DDAH1: variants seen among roughly 807,000 people sequenced by gnomAD.
DDAH1 encodes dimethylarginine dimethylaminohydrolase 1, also known as N(G),N(G)-dimethylarginine dimethylaminohydrolase 1.
Under a neutral mutation model 28.8 loss-of-function variants are expected in DDAH1, and 19 were observed. The ratio of observed to expected loss-of-function variants is 0.66; its 90% CI spans 0.46 to 0.97. The LOEUF is 0.97. Ranked by LOEUF, DDAH1 falls within the 50% of genes least tolerant of loss-of-function variation. The pLI is 0.00. For synonymous variants in DDAH1, 153 were observed against 154.4 expected, an observed-to-expected ratio of 0.99 and a Z score of 0.07; for missense variants, 326 against 375.9, an observed-to-expected ratio of 0.87 and a Z score of 1.10.
At chr1:85,449,136 C>G (rs1654558378) in intron 1 of DDAH1, among the ~76,000 whole-genome samples, 1 of 152,180 alleles carries the variant, frequency 6.6e-6, no homozygotes, top group African/African-American at 2.4e-5. Flanking sequence ...ATGGTTCCGA[C>G]TCTGGGCAAA....
chr1:85,359,077 T>C (rs1257074717), intron 1 of DDAH1, among the ~76,000 whole-genome samples: 1 of 152,184 alleles, frequency 6.6e-6, no homozygotes, highest in Non-Finnish European at 1.5e-5. Flanking sequence ...TAGTGTAAGA[T>C]TGAGTCAATA....
At chr1:85,341,365 A>G (rs1298529141) in intron 4 of DDAH1, among the ~76,000 whole-genome samples, 1 of 152,220 alleles carries the variant, frequency 6.6e-6, no homozygotes, top group Non-Finnish European at 1.5e-5. Context: ...TTCCTATCAG[A>G]GTTTTATGTA....
chr1:85,550,081 A>T (rs1181297495), intron 1 of DDAH1, among the ~76,000 whole-genome samples: 2 of 152,190 alleles, frequency 1.3e-5, no homozygotes, highest in Admixed American at 1.3e-4. Flanking sequence ...TTCCTGGGAA[A>T]TTGCAAGTCA....
At chr1:85,526,847 A>G (rs1184070734) in intron 1 of DDAH1, among the ~76,000 whole-genome samples, 1 of 148,238 alleles carries the variant, frequency 6.7e-6, no homozygotes, top group African/African-American at 2.5e-5. Flanking sequence ...GAGAATTTCA[A>G]ATGAAGTGTA....
intron 1 of DDAH1, among the ~76,000 whole-genome samples, chr1:85,421,280 A>G (rs1653130295): frequency 6.6e-6 from 1 of 152,202 alleles, no homozygotes; most frequent in African/African-American, 2.4e-5. Flanking sequence ...AGAATACTGT[A>G]CATTCTTTTT....
At chr1:85,513,663 A>C (rs556375535) in intron 1 of DDAH1, among the ~76,000 whole-genome samples, 27 of 152,194 alleles carry the variant, frequency 1.8e-4, no homozygotes, top group African/African-American at 2.4e-4. Flanking sequence ...AAGAAAAAAA[A>C]CAAACAACCC....
chr1:85,546,170 T>C (rs1658620520), intron 1 of DDAH1, among the ~76,000 whole-genome samples: 1 of 151,728 alleles, frequency 6.6e-6, no homozygotes, highest in African/African-American at 2.4e-5. Context: ...TAATTGCCAT[T>C]GCAGAAGTAT....
At chr1:85,461,057 T>G (rs1054554921) in intron 1 of DDAH1, among the ~76,000 whole-genome samples, 1 of 152,144 alleles carries the variant, frequency 6.6e-6, no homozygotes, top group African/African-American at 2.4e-5. Flanking sequence ...AAGGCTGCAG[T>G]GAGCTATGAT....
At chr1:85,492,649 T>A (rs551204634) in intron 2 of DDAH1, among the ~76,000 whole-genome samples, 2 of 152,320 alleles carry the variant, frequency 1.3e-5, no homozygotes, top group East Asian at 3.9e-4. Flanking sequence ...CAGATCTGAA[T>A]GGCAATATCA....
At chr1:85,434,623 C>G (rs182513737) in intron 1 of DDAH1, among the ~76,000 whole-genome samples, 1 of 152,134 alleles carries the variant, frequency 6.6e-6, no homozygotes, top group East Asian at 1.9e-4. Context: ...AACTCCTGAC[C>G]TCAAGTAATC....
chr1:85,498,756 C>CA (rs539781550), intron 1 of DDAH1, among the ~76,000 whole-genome samples: 126 of 151,284 alleles, frequency 8.3e-4, no homozygotes, highest in Middle Eastern at 3.4e-3. Flanking sequence ...CTGTCTCTAC[C>CA]AAAAAAAATA....
chr1:85,429,417 C>G (rs966354126), intron 1 of DDAH1, among the ~76,000 whole-genome samples: 2 of 152,126 alleles, frequency 1.3e-5, no homozygotes, highest in South Asian at 2.1e-4. Flanking sequence ...GTCTATCATT[C>G]ATGGGCATTT....
chr1:85,479,506 T>C (rs559151848), intron 2 of DDAH1, among the ~76,000 whole-genome samples: 1 of 152,272 alleles, frequency 6.6e-6, no homozygotes, highest in South Asian at 2.1e-4. Context: ...CAGAAGGAAA[T>C]TAAATGCTTA....
intron 1 of DDAH1, among the ~76,000 whole-genome samples, chr1:85,417,463 G>C (rs1313378252): frequency 1.3e-5 from 2 of 152,148 alleles, no homozygotes; most frequent in Admixed American, 1.3e-4. Context: ...TCTAAATGTT[G>C]ACAGGTCCCT....
chr1:85,408,364 G>A (rs576109856), intron 1 of DDAH1, among the ~76,000 whole-genome samples: 78 of 151,648 alleles, frequency 5.1e-4, no homozygotes, highest in South Asian at 1.5e-3. Flanking sequence ...CCACCCCAGA[G>A]GTAACCATGT....
At chr1:85,402,355 G>T (rs1265923670) in intron 1 of DDAH1, among the ~76,000 whole-genome samples, 3 of 151,868 alleles carry the variant, frequency 2.0e-5, no homozygotes, top group African/African-American at 7.3e-5. Context: ...TCTAGCCAGG[G>T]TCTAAGTGTG....
At chr1:85,327,976 C>T (rs1191358039) in intron 4 of DDAH1, among the ~76,000 whole-genome samples, 1 of 152,204 alleles carries the variant, frequency 6.6e-6, no homozygotes, top group African/African-American at 2.4e-5. Flanking sequence ...CAGAGAACCT[C>T]AGGAGGGCAC....
At chr1:85,466,832 CTT>C (rs10675813), upstream of DDAH1, among the ~76,000 whole-genome samples, 95 of 70,702 alleles carry the variant, frequency 1.3e-3, no homozygotes, top group East Asian at 9.3e-3. Context: ...ATTATTTATT[CTT>C]TTTTTTTTTT....
At chr1:85,368,152 G>A (rs1195442585) in intron 1 of DDAH1, among the ~76,000 whole-genome samples, 1 of 152,110 alleles carries the variant, frequency 6.6e-6, no homozygotes, top group African/African-American at 2.4e-5. Context: ...ACAGTAGATT[G>A]TCAAACTAAA....
Sources: gnomAD v4.1 joint callset for allele counts (sites outside exome capture counted in the v4.1 genomes callset) on GRCh38, gnomAD v4.1.1 for gene constraint, MANE v1.5 for transcripts, NCBI Gene and HGNC (gene_info 2026-07-23, HGNC 2026-07-21) for gene names.